Variants in SMAD3 observed in about 807,000 individuals in gnomAD.
SMAD3 encodes the protein MAD homolog 3.
A neutral mutation model predicts 51.8 loss-of-function variants in SMAD3; 12 were observed. The observed-to-expected ratio is 0.23, with a 90% CI of 0.15 to 0.38. The LOEUF is 0.38. Among genes scored for constraint, SMAD3 ranks in the 10% least tolerant of loss-of-function variants. SMAD3 has a pLI of 1.00. For missense variants in SMAD3, 294 were observed against 565.6 expected (o/e 0.52, Z 4.87); for synonymous variants, 238 against 227.7 (o/e 1.05, Z -0.41).
At position 67,192,911 on chromosome 15, in the gene SMAD3, T is replaced by C. The variant is rs1963403727; in HGVS notation, c.*2375T>C. On this transcript the variant is annotated 3_prime_UTR_variant, in exon 9 of 9. Transcript: ENST00000327367. ...GCATGAAGTTTGAGTTTTGTGTTTT[T>C]CCAAAGGATACTTCCTTGGCCCTTT... The C allele has an allele frequency of 4.3e-6, 1 of 233,282 alleles. No individual in the cohort carries two copies. The highest frequency in any genetic ancestry group is 2.2e-5 in the African/African-American group (1 of 45,354). 14.5% of individuals were successfully genotyped at this position (233,282 alleles called of 1,614,324 possible).
At position 67,170,424 on chromosome 15, in the gene SMAD3, G is replaced by T. The variant is rs184587521; in HGVS notation, c.608-130G>T. 6.1e-5 allele frequency: 47 copies of T among 775,884 alleles called. No individual in the cohort carries two copies. In the African/African-American group the frequency reaches 7.0e-4, roughly 12 times the overall value. The allele number at this position is 775,884 out of a possible 1,614,324, so 48.1% of individuals were successfully genotyped here. ...AAGGGTATGGGCTAGGCCTTCTCCT[G>T]GGACCCCTCAGTCCAGGGTTTTCTT... On this transcript the variant is annotated intron_variant, in intron 4 of 8. Coordinates refer to ENST00000327367, the MANE Select transcript of SMAD3 (RefSeq NM_005902.4).
At chr15:67,178,319 G>C (rs1304332472) in intron 5 of SMAD3, among the ~76,000 whole-genome samples, 2 of 152,194 alleles carry the variant, frequency 1.3e-5, no homozygotes, top group African/African-American at 4.8e-5. Flanking sequence ...GTTCCTGGGA[G>C]CCTAGCTCTT....
At chr15:67,095,611 T>G (rs1960598680) in intron 1 of SMAD3, among the ~76,000 whole-genome samples, 1 of 152,120 alleles carries the variant, frequency 6.6e-6, no homozygotes, top group Admixed American at 6.5e-5. Context: ...CGGCTCTCTG[T>G]AACCTCTGCC....
rs565079684 is a variant in SMAD3 at position 67,161,043 on chromosome 15, A to G, written c.207-3852A>G. 9.8e-4 allele frequency among the ~76,000 whole-genome samples: 149 copies of G among 152,270 alleles called. 1 individual carries two copies. Among genetic ancestry groups the G allele is most frequent in the Admixed American group, 1.8e-3 (27 of 15,292 alleles). On this transcript the variant is annotated intron_variant, in intron 1 of 8. Transcript: ENST00000327367. ...ATCATTGTCTATCCCAAAAAGTCAC[A>G]AAGATTTTCTCCTGTTTTCTTCTAG...
intron 1 of SMAD3, among the ~76,000 whole-genome samples, chr15:67,131,891 A>G (rs933863576): frequency 2.6e-5 from 4 of 152,200 alleles, no homozygotes; most frequent in African/African-American, 9.7e-5. Context: ...CTGGCTAAGA[A>G]CACTGCATTA....
intron 1 of SMAD3, among the ~76,000 whole-genome samples, chr15:67,157,159 G>A (rs574891345): frequency 1.6e-4 from 24 of 152,250 alleles, no homozygotes; most frequent in Non-Finnish European, 2.5e-4. Flanking sequence ...AAAGTGACTA[G>A]AAAGTTCGGT....
At chr15:67,067,129 G>C (rs1959943043) in intron 1 of SMAD3, among the ~76,000 whole-genome samples, 1 of 145,376 alleles carries the variant, frequency 6.9e-6, no homozygotes. Context: ...CGTGCAGAAC[G>C]AGGGAGAGGG....
chr15:67,177,940 C>G (rs1203632646), intron 5 of SMAD3, among the ~76,000 whole-genome samples: 1 of 152,184 alleles, frequency 6.6e-6, no homozygotes, highest in Non-Finnish European at 1.5e-5. Context: ...GGGTGCTGCT[C>G]TGGCTCAGTC....
chr15:67,110,059 T>C (rs966348910), intron 1 of SMAD3, among the ~76,000 whole-genome samples: 6 of 152,246 alleles, frequency 3.9e-5, no homozygotes, highest in African/African-American at 1.4e-4. Context: ...GTTCTCTGCC[T>C]GAAACCAGCA....
At chr15:67,083,161 C>T (rs573827487) in intron 1 of SMAD3, among the ~76,000 whole-genome samples, 5 of 152,306 alleles carry the variant, frequency 3.3e-5, no homozygotes, top group African/African-American at 7.2e-5. Context: ...TGCCGCAGTG[C>T]GAGGCTGGTT....
At chr15:67,165,492 C>T in intron 3 of SMAD3, 108 bp downstream of exon 3, 2 of 1,359,874 alleles carry the variant, frequency 1.5e-6, no homozygotes, top group Non-Finnish European at 2.0e-6. Flanking sequence ...CCCGCTCACC[C>T]CCTCTTTGCG....
chr15:67,126,587 T>C (rs559117692), intron 1 of SMAD3, among the ~76,000 whole-genome samples: 1 of 152,236 alleles, frequency 6.6e-6, no homozygotes, highest in Admixed American at 6.5e-5. Context: ...TGGTTTTGAT[T>C]TTCTATTCTG....
chr15:67,145,151 C>T (rs1961941711), intron 1 of SMAD3, among the ~76,000 whole-genome samples: 1 of 152,170 alleles, frequency 6.6e-6, no homozygotes, highest in African/African-American at 2.4e-5. Flanking sequence ...AATCAGTAAG[C>T]CTCTGATAAA....
At chr15:67,190,201 C>T (rs1567005363) in intron 8 of SMAD3, among the ~76,000 whole-genome samples, 1 of 152,132 alleles carries the variant, frequency 6.6e-6, no homozygotes, top group Admixed American at 6.5e-5. Context: ...CTTCCTTCCC[C>T]CTCAAGAGAA....
chr15:67,089,721 CTTTACAG>C (rs1836485400), intron 1 of SMAD3, among the ~76,000 whole-genome samples: 1 of 152,250 alleles, frequency 6.6e-6, no homozygotes. Flanking sequence ...GCGTACTGCA[CTTTACAG>C]TTTACAAAGC....
intron 1 of SMAD3, chr15:67,078,088 A>G (rs1190395323): frequency 6.6e-6 from 1 of 152,268 alleles, no homozygotes; most frequent in Non-Finnish European, 1.5e-5. Flanking sequence ...GCTTTAGGCT[A>G]TGTCTGGAGC....
intron 6 of SMAD3, among the ~76,000 whole-genome samples, chr15:67,184,253 C>T (rs987267494): frequency 2.0e-5 from 3 of 151,878 alleles, no homozygotes; most frequent in Non-Finnish European, 4.4e-5. Flanking sequence ...AAGGATATGC[C>T]ACTATGCCCA....
chr15:67,155,071 G>A (rs957675495), intron 1 of SMAD3, among the ~76,000 whole-genome samples: 1 of 152,200 alleles, frequency 6.6e-6, no homozygotes, highest in African/African-American at 2.4e-5. Flanking sequence ...ATGCATCAGA[G>A]TCTGTTTCCT....
intron 1 of SMAD3, among the ~76,000 whole-genome samples, chr15:67,151,933 G>T (rs1962157549): frequency 6.6e-6 from 1 of 151,852 alleles, no homozygotes; most frequent in Non-Finnish European, 1.5e-5. Context: ...TGTAATATAT[G>T]ATTATACATA....
Sources: gnomAD v4.1 joint callset for allele counts (sites outside exome capture counted in the v4.1 genomes callset) on GRCh38, gnomAD v4.1.1 for gene constraint, MANE v1.5 for transcripts, NCBI Gene and HGNC (gene_info 2026-07-23, HGNC 2026-07-21) for gene names.